PSPC1: variants seen among roughly 807,000 people sequenced by gnomAD.
The protein encoded by PSPC1 is paraspeckle component 1.
In PSPC1, 14 loss-of-function variants were observed where a neutral mutation model predicts 51.6. The observed-to-expected ratio is 0.27, with a 90% CI of 0.18 to 0.42. PSPC1 has a LOEUF of 0.42. PSPC1 is among the 10% of genes least tolerant of loss of function. The probability of loss-of-function intolerance (pLI) is 1.00; values close to 1 mark genes in which losing one functional copy is unlikely to be tolerated. For missense variants in PSPC1, 406 were observed against 701.1 expected (o/e 0.58, Z 4.75); for synonymous variants, 193 against 231.9 (o/e 0.83, Z 1.53).
chr13:19,671,567 T>C (rs1216106421), downstream of PSPC1, among the ~76,000 whole-genome samples: 6 of 152,182 alleles, frequency 3.9e-5, no homozygotes, highest in Non-Finnish European at 8.8e-5. Flanking sequence ...AGTTGCCAAA[T>C]GTATGTCTTT....
chr13:19,769,138 C>G (rs1888368651), intron 2 of PSPC1, among the ~76,000 whole-genome samples: 1 of 150,812 alleles, frequency 6.6e-6, no homozygotes, highest in South Asian at 2.1e-4. Context: ...GACTCTGCCT[C>G]AAAAAGCAAA....
intron 6 of PSPC1, among the ~76,000 whole-genome samples, chr13:19,683,595 C>T (rs1218523369): frequency 6.6e-6 from 1 of 152,146 alleles, no homozygotes; most frequent in South Asian, 2.1e-4. Context: ...GAATAACTGA[C>T]AGGGTAACCC....
At chr13:19,723,037 G>T (rs1296208113) in intron 6 of PSPC1, among the ~76,000 whole-genome samples, 1 of 152,140 alleles carries the variant, frequency 6.6e-6, no homozygotes, top group East Asian at 1.9e-4. Flanking sequence ...CTTGAACCCA[G>T]GAGGCAGAGG....
At chr13:19,723,736 T>C (rs903955352) in intron 6 of PSPC1, among the ~76,000 whole-genome samples, 7 of 152,236 alleles carry the variant, frequency 4.6e-5, no homozygotes, top group Non-Finnish European at 7.3e-5. Flanking sequence ...TGTTTGTTTT[T>C]ATTTGATCAC....
chr13:19,691,496 T>A (rs1255949482), intron 6 of PSPC1, among the ~76,000 whole-genome samples: 1 of 152,130 alleles, frequency 6.6e-6, no homozygotes, highest in Admixed American at 6.5e-5. Flanking sequence ...CACTCCAGCC[T>A]GAGTGACAGA....
At chr13:19,762,342 G>A (rs866828882) in intron 2 of PSPC1, among the ~76,000 whole-genome samples, 5 of 151,718 alleles carry the variant, frequency 3.3e-5, no homozygotes, top group Non-Finnish European at 5.9e-5. Flanking sequence ...TGGATCACGA[G>A]GTCAGGAGTT....
chr13:19,698,973 G>A (rs1879587504), downstream of PSPC1, among the ~76,000 whole-genome samples: 2 of 151,648 alleles, frequency 1.3e-5, no homozygotes, highest in East Asian at 1.9e-4. Flanking sequence ...TAATCAAATA[G>A]TAAGTTTCAA....
chr13:19,703,157 C>G lies in PSPC1; in HGVS notation c.*18G>C. 1 of 1,609,388 alleles carries G rather than the reference C, an allele frequency of 6.2e-7. No individual in the cohort carries two copies. The highest frequency in any genetic ancestry group is 8.5e-7 in the Non-Finnish European group (1 of 1,177,444). On this transcript the variant is annotated 3_prime_UTR_variant, in exon 9 of 9. Transcript: ENST00000338910. ...CACTGACTTTTTTTTTTCTAGATAG[C>G]CAGGAATGAACGAATGTTTAATATC...
chr13:19,781,054 T>C (rs920968932), intron 1 of PSPC1, among the ~76,000 whole-genome samples: 3 of 150,306 alleles, frequency 2.0e-5, no homozygotes, highest in Admixed American at 6.7e-5. Flanking sequence ...TCCCAGCTAC[T>C]CGGGAGGCTG....
chr13:19,685,496 AG>A (rs766789385), intron 6 of PSPC1, among the ~76,000 whole-genome samples: 1 of 152,216 alleles, frequency 6.6e-6, no homozygotes, highest in Non-Finnish European at 1.5e-5. Context: ...CACCTCTATG[AG>A]GGTATTCACA....
At position 19,772,532 on chromosome 13, in the gene PSPC1, G is replaced by A. The variant is rs373146127; in HGVS notation, c.384C>T (p.Thr128=). Residue 128 remains threonine, a synonymous_variant, in exon 2 of 9, where the codon ACC becomes ACT. Coordinates refer to ENST00000338910, the MANE Select transcript of PSPC1 (RefSeq NM_001354909.2). Reference sequence around the variant, plus strand: ...GCTCTGCTTTTGCAATTTCAGCCAGGGTTCTGGATTCCTTTTTAGGAAGAA... The same window carrying A: ...GCTCTGCTTTTGCAATTTCAGCCAGAGTTCTGGATTCCTTTTTAGGAAGAA... ...GFGFIRLESR[T]LAEIAKAELD... The A allele has an allele frequency of 1.5e-5, 24 of 1,579,230 alleles. No homozygotes were observed. The highest frequency in any genetic ancestry group is 2.1e-5 in the Non-Finnish European group (24 of 1,164,138).
chr13:19,770,080 T>A (rs1888479691), intron 2 of PSPC1, among the ~76,000 whole-genome samples: 1 of 152,160 alleles, frequency 6.6e-6, no homozygotes, highest in Non-Finnish European at 1.5e-5. Flanking sequence ...CCATGGAATA[T>A]GACTCAGCCA....
At chr13:19,673,039 A>G (rs925592628), downstream of PSPC1, 2 of 443,556 alleles carry the variant, frequency 4.5e-6, no homozygotes, top group Non-Finnish European at 8.9e-6. Context: ...TGAGTGACAG[A>G]ATGAGACCTT....
chr13:19,761,166 G>C (rs1470361127), intron 2 of PSPC1, among the ~76,000 whole-genome samples: 2 of 151,860 alleles, frequency 1.3e-5, no homozygotes, highest in African/African-American at 4.8e-5. Context: ...AAAAATAAAA[G>C]ATGTTAGCCA....
Position 19,691,474 on chromosome 13 carries a change from G to A in PSPC1, c.1159-13651C>T, listed in dbSNP as rs140751157. On this transcript the variant is annotated intron_variant and NMD_transcript_variant, in intron 6 of 7. Coordinates refer to the PSPC1 transcript ENST00000471658. ...GGAGTTTGAGGCTGCGGTGAGCTAT[G>A]ATACACCACTGCACTCCAGCCTGAG... Among the ~76,000 whole-genome samples, 4 of 152,242 alleles carry A rather than the reference G, an allele frequency of 2.6e-5. No homozygotes were observed. The East Asian group carries it at 7.7e-4, about 29-fold the overall frequency.
At chr13:19,705,985 G>C (rs1880604114) in intron 7 of PSPC1, among the ~76,000 whole-genome samples, 154 bp from the exon 8 acceptor site, 1 of 152,112 alleles carries the variant, frequency 6.6e-6, no homozygotes, top group Non-Finnish European at 1.5e-5. Flanking sequence ...CTGTAATAGG[G>C]TATTACCTAC....
intron 4 of PSPC1, among the ~76,000 whole-genome samples, chr13:19,750,453 AAC>A (rs1886421423): frequency 1.5e-5 from 1 of 65,006 alleles, no homozygotes. Context: ...AAAACAAACA[AAC>A]AAAAATATAT....
chr13:19,694,867 T>C (rs996042723), intron 6 of PSPC1, among the ~76,000 whole-genome samples: 14 of 152,226 alleles, frequency 9.2e-5, no homozygotes, highest in Admixed American at 3.3e-4. Flanking sequence ...ATAGCTATTT[T>C]CTAGGCCCCT....
Position 19,772,537 on chromosome 13 carries a change from T to C in PSPC1, c.379A>G (p.Arg127Gly). 1 of 1,579,926 alleles carries C rather than the reference T, an allele frequency of 6.3e-7. No homozygotes were observed. Among genetic ancestry groups the C allele is most frequent in the Non-Finnish European group, 8.6e-7 (1 of 1,164,360 alleles). Residue 127 changes from arginine (R) to glycine (G), a missense_variant, in exon 2 of 9, where the codon AGA (arginine) becomes GGA (glycine). Around this residue, in one of 5 missense-constraint regions of PSPC1, gnomAD observed 180 missense variants for 337.9 expected, o/e 0.53. Coordinates refer to ENST00000338910, the MANE Select transcript of PSPC1 (RefSeq NM_001354909.2). ...GCTTTTGCAATTTCAGCCAGGGTTC[T>C]GGATTCCTTTTTAGGAAGAAAAAAC... ...RGFGFIRLES[R>G]TLAEIAKAEL...
Sources: allele counts gnomAD v4.1 joint callset (sites outside exome capture counted in the v4.1 genomes callset), GRCh38; gene constraint gnomAD v4.1.1; regional missense constraint gnomAD v4.1.1; transcripts MANE v1.5; gene names NCBI Gene and HGNC (gene_info 2026-07-23, HGNC 2026-07-21).